The following SNX29 variants were observed in gnomAD, a reference collection of about 807,000 sequenced individuals.
SNX29 encodes sorting nexin 29.
SNX29 carries 78 observed loss-of-function variants against 102.1 expected under a neutral mutation model. The observed-to-expected ratio is 0.76, with a 90% CI of 0.64 to 0.92. SNX29 has a LOEUF of 0.92. Among genes scored for constraint, SNX29 ranks in the 40% least tolerant of loss-of-function variants. The pLI is 0.00. For synonymous variants in SNX29, 580 were observed against 414.5 expected, an observed-to-expected ratio of 1.40 and a Z score of -4.85; for missense variants, 1,280 against 1,061.7, an observed-to-expected ratio of 1.21 and a Z score of -2.86.
intron 1 of SNX29, among the ~76,000 whole-genome samples, chr16:11,978,592 G>C (rs1236228377): frequency 3.3e-5 from 5 of 152,136 alleles, no homozygotes; most frequent in African/African-American, 1.2e-4. Flanking sequence ...GGTTGTTTTT[G>C]CCTAGTTATG....
At chr16:12,133,281 GTTTTTTTTTTT>G (rs57733463) in intron 13 of SNX29, among the ~76,000 whole-genome samples, 3 of 66,868 alleles carry the variant, frequency 4.5e-5, no homozygotes, top group Admixed American at 2.2e-4. Flanking sequence ...CTTAGTGTGG[GTTTTTTTTTTT>G]TTTTTTTTTT....
chr16:12,477,071 G>A (rs2087688581), intron 18 of SNX29, among the ~76,000 whole-genome samples: 2 of 152,156 alleles, frequency 1.3e-5, no homozygotes, highest in Non-Finnish European at 1.5e-5. Context: ...CCTGCAAAAA[G>A]CTGATGAAAC....
intron 13 of SNX29, among the ~76,000 whole-genome samples, chr16:12,190,785 C>G (rs547807293): frequency 6.6e-6 from 1 of 152,032 alleles, no homozygotes; most frequent in African/African-American, 2.4e-5. Flanking sequence ...TCGGGTCTAG[C>G]TTAGAGAGCA....
At chr16:12,237,131 G>C (rs1051029335) in intron 14 of SNX29, among the ~76,000 whole-genome samples, 4 of 152,162 alleles carry the variant, frequency 2.6e-5, no homozygotes, top group African/African-American at 9.7e-5. Context: ...GGCAGATGCC[G>C]TGCCCCAGTC....
intron 18 of SNX29, among the ~76,000 whole-genome samples, chr16:12,468,347 GTAT>G (rs1245950857): frequency 2.6e-5 from 4 of 151,738 alleles, no homozygotes; most frequent in Non-Finnish European, 5.9e-5. Context: ...GCTAATTTTT[GTAT>G]TATTAGTAGA....
intron 18 of SNX29, among the ~76,000 whole-genome samples, chr16:12,423,286 A>G (rs886225251): frequency 6.6e-6 from 1 of 152,166 alleles, no homozygotes; most frequent in Non-Finnish European, 1.5e-5. Flanking sequence ...GTAGATCATA[A>G]GAGCTGATGA....
At position 12,573,671 on chromosome 16, in the gene SNX29, A is replaced by C. The variant is rs902200230; in HGVS notation, c.*5042A>C. 9.0e-6 allele frequency: 2 copies of C among 223,056 alleles called. No homozygotes were observed. The highest frequency in any genetic ancestry group is 1.1e-4 in the Admixed American group (2 of 17,478). 13.8% of individuals were successfully genotyped at this position (223,056 alleles called of 1,614,324 possible). ...CACTCATTCACTGTCAGTGTAGGTAAGACAGAGGATGCCCTTGCAAAAATT... is the reference window on the plus strand; with the variant it reads ...CACTCATTCACTGTCAGTGTAGGTACGACAGAGGATGCCCTTGCAAAAATT... On this transcript the variant is annotated 3_prime_UTR_variant, in exon 21 of 21. Transcript: ENST00000566228.
At chr16:12,128,452 C>CT (rs35504724) in intron 12 of SNX29, among the ~76,000 whole-genome samples, 75,018 of 128,204 alleles carry the variant, frequency 0.59, 22,559 homozygotes, top group African/African-American at 0.69. Context: ...TGATTATATT[C>CT]TTTTTTTTTT....
At chr16:12,166,482 G>A (rs905008261) in intron 13 of SNX29, among the ~76,000 whole-genome samples, 2 of 152,220 alleles carry the variant, frequency 1.3e-5, no homozygotes, top group Non-Finnish European at 2.9e-5. Context: ...AGGAGCTGGC[G>A]AGCAGGAAGG....
chr16:12,563,619 G>C (rs759393351), intron 20 of SNX29, among the ~76,000 whole-genome samples: 2 of 84,206 alleles, frequency 2.4e-5, no homozygotes, highest in Non-Finnish European at 4.6e-5. Context: ...TCTCACAGAC[G>C]AGACTGTCCT....
chr16:12,299,200 T>C (rs1235811474), intron 15 of SNX29, among the ~76,000 whole-genome samples: 1 of 152,008 alleles, frequency 6.6e-6, no homozygotes, highest in African/African-American at 2.4e-5. Context: ...CTGAGGAGGC[T>C]GAGGCAGGAG....
chr16:12,184,955 T>G (rs2076476087), intron 13 of SNX29, among the ~76,000 whole-genome samples: 1 of 152,226 alleles, frequency 6.6e-6, no homozygotes, highest in Admixed American at 6.5e-5. Flanking sequence ...GACTGGTTTG[T>G]GTCAAGGGCA....
chr16:12,246,345 A>G (rs367866830), intron 14 of SNX29, among the ~76,000 whole-genome samples: 10 of 152,282 alleles, frequency 6.6e-5, no homozygotes, highest in African/African-American at 2.4e-4. Flanking sequence ...CTGCATGAAA[A>G]AAAAAGAAAC....
At chr16:12,377,595 A>G (rs755615926) in intron 16 of SNX29, among the ~76,000 whole-genome samples, 8 of 152,226 alleles carry the variant, frequency 5.3e-5, no homozygotes, top group Non-Finnish European at 1.0e-4. Context: ...ATGAGGCTTC[A>G]GGCAGGTAAT....
chr16:12,155,331 CAGA>C (rs1421036509), intron 13 of SNX29, among the ~76,000 whole-genome samples: 1 of 152,116 alleles, frequency 6.6e-6, no homozygotes, highest in African/African-American at 2.4e-5. Context: ...TCGGTGGATT[CAGA>C]AGAACAGGCG....
chr16:11,982,566 A>C (rs2055445792), intron 1 of SNX29, among the ~76,000 whole-genome samples: 1 of 151,584 alleles, frequency 6.6e-6, no homozygotes, highest in South Asian at 2.1e-4. Flanking sequence ...AGTAGCTGGG[A>C]CTACAGGCGC....
chr16:12,437,808 C>A (rs2151655272), intron 18 of SNX29, among the ~76,000 whole-genome samples: 1 of 152,218 alleles, frequency 6.6e-6, no homozygotes, highest in East Asian at 1.9e-4. Context: ...TCGGCTGCAC[C>A]ATCAGTGAAG....
chr16:12,524,919 C>T (rs1049275660), intron 20 of SNX29, 78 bp downstream of exon 20: 33 of 1,563,380 alleles, frequency 2.1e-5, no homozygotes, highest in Non-Finnish European at 2.6e-5. Flanking sequence ...GGTCAGGGAG[C>T]ACAGCGGCTC....
At chr16:12,475,677 T>C (rs1195292589) in intron 18 of SNX29, among the ~76,000 whole-genome samples, 1 of 152,252 alleles carries the variant, frequency 6.6e-6, no homozygotes, top group Non-Finnish European at 1.5e-5. Context: ...TATTCTATAA[T>C]AAAGTGTTGA....
Sources: allele counts gnomAD v4.1 joint callset (sites outside exome capture counted in the v4.1 genomes callset), GRCh38; gene constraint gnomAD v4.1.1; transcripts MANE v1.5; gene names NCBI Gene and HGNC (gene_info 2026-07-23, HGNC 2026-07-21).